The following EXTL3 variants were observed in gnomAD, a reference collection of about 807,000 sequenced individuals.
The protein encoded by EXTL3 is exostosin like glycosyltransferase 3.
Under a neutral mutation model 69.3 loss-of-function variants are expected in EXTL3, and 27 were observed. The observed-to-expected ratio is 0.39, with a 90% confidence interval of 0.29 to 0.54. The LOEUF (loss-of-function observed/expected upper bound fraction) is 0.54, where lower values mean the gene tolerates loss of function less well. Among genes scored for constraint, EXTL3 ranks in the 20% least tolerant of loss-of-function variants. The pLI is 0.69. For missense variants in EXTL3, 1,003 were observed against 1,231.8 expected, an observed-to-expected ratio of 0.81 and a Z score of 2.78; for synonymous variants, 511 against 499.4, an observed-to-expected ratio of 1.02 and a Z score of -0.31.
intron 3 of EXTL3, among the ~76,000 whole-genome samples, chr8:28,729,292 C>CAGAAA (rs1801481374): frequency 1.4e-5 from 1 of 74,066 alleles, no homozygotes. Flanking sequence ...GACTCTATCT[C>CAGAAA]AAAAAAAAAA....
intron 2 of EXTL3, among the ~76,000 whole-genome samples, chr8:28,713,857 T>C (rs1801081216): frequency 6.6e-6 from 1 of 151,506 alleles, no homozygotes; most frequent in African/African-American, 2.4e-5. Flanking sequence ...TTCCCTCCTC[T>C]CATTCTTTGC....
intron 1 of EXTL3, among the ~76,000 whole-genome samples, chr8:28,693,112 G>C (rs183631606): frequency 1.9e-4 from 29 of 151,488 alleles, no homozygotes; most frequent in African/African-American, 7.0e-4. Flanking sequence ...AGTCTTAATT[G>C]GTCATTACAG....
Position 28,751,139 on chromosome 8 carries a change from C to A in EXTL3, c.*273C>A. 1 of 500,498 alleles carries A rather than the reference C, an allele frequency of 2.0e-6. No homozygotes were observed. The highest frequency in any genetic ancestry group is 3.6e-6 in the Non-Finnish European group (1 of 275,378). 31.0% of individuals were successfully genotyped at this position (500,498 alleles called of 1,614,324 possible). On this transcript the variant is annotated 3_prime_UTR_variant, in exon 7 of 7. Coordinates refer to ENST00000220562, the MANE Select transcript of EXTL3 (RefSeq NM_001440.4). ...ACTGTGGCGACTCTGCAGAGTCACTCACACCGTTCGTACGCCCAGGACAGC... is the reference window on the plus strand; with the variant it reads ...ACTGTGGCGACTCTGCAGAGTCACTAACACCGTTCGTACGCCCAGGACAGC...
At chr8:28,617,954 CAGAA>C (rs1435598353), upstream of EXTL3, among the ~76,000 whole-genome samples, 1 of 152,098 alleles carries the variant, frequency 6.6e-6, no homozygotes, top group African/African-American at 2.4e-5. Flanking sequence ...TTCATAGAGA[CAGAA>C]AGCAGATTTG....
chr8:28,721,648 G>C lies in EXTL3; in HGVS notation c.2148+3441G>C, dbSNP rs187567867. 3.2e-3 allele frequency among the ~76,000 whole-genome samples: 481 copies of C among 152,308 alleles called. 10 individuals carry two copies. The highest frequency in any genetic ancestry group is 1.0e-3 in the Non-Finnish European group (70 of 68,022). ...TGCAGAGGTTATAGTTGTCATCTGA[G>C]GGAGGACTGGGTCTGGCAGGGGCTT... On this transcript the variant is annotated intron_variant, in intron 3 of 6. Coordinates refer to ENST00000220562, the MANE Select transcript of EXTL3 (RefSeq NM_001440.4).
intron 1 of EXTL3, among the ~76,000 whole-genome samples, chr8:28,667,714 G>A (rs1006091045): frequency 2.1e-5 from 3 of 141,488 alleles, no homozygotes; most frequent in Non-Finnish European, 4.6e-5. Flanking sequence ...TCTTCCCTTG[G>A]TGTGGGGGGA....
chr8:28,724,295 G>GT (rs1457569633), intron 3 of EXTL3, among the ~76,000 whole-genome samples: 1 of 152,092 alleles, frequency 6.6e-6, no homozygotes, highest in Non-Finnish European at 1.5e-5. Flanking sequence ...TCTCTTATAA[G>GT]TTAAAACAGA....
intron 1 of EXTL3, among the ~76,000 whole-genome samples, chr8:28,636,419 C>A (rs578031275): frequency 1.3e-5 from 2 of 151,874 alleles, no homozygotes; most frequent in South Asian, 4.1e-4. Flanking sequence ...TCACCCTCAA[C>A]GGAATCTTGT....
At chr8:28,648,536 C>T (rs1310768507) in intron 1 of EXTL3, among the ~76,000 whole-genome samples, 1 of 152,152 alleles carries the variant, frequency 6.6e-6, no homozygotes, top group African/African-American at 2.4e-5. Context: ...TCATAACATT[C>T]TGCCTTTTGG....
At position 28,751,486 on chromosome 8, in the gene EXTL3, G is replaced by A. The variant is rs1025262971; in HGVS notation, c.*620G>A. Reference sequence around the variant, plus strand: ...AAAGGGATGAACTTGGCCCTCTTGCGGGCCTGGACAAGGTCTCTTCCTTAC... The same window carrying A: ...AAAGGGATGAACTTGGCCCTCTTGCAGGCCTGGACAAGGTCTCTTCCTTAC... On this transcript the variant is annotated 3_prime_UTR_variant, in exon 7 of 7. Coordinates refer to ENST00000220562, the MANE Select transcript of EXTL3 (RefSeq NM_001440.4). The A allele has an allele frequency of 5.9e-5, 9 of 153,152 alleles. No homozygotes were observed. The highest frequency in any genetic ancestry group is 1.9e-4 in the African/African-American group (8 of 41,390). 9.5% of individuals were successfully genotyped at this position (153,152 alleles called of 1,614,324 possible). A position where few individuals can be genotyped will look rare whatever the true frequency, so the allele number is the denominator to read the frequency against.
intron 1 of EXTL3, among the ~76,000 whole-genome samples, chr8:28,672,158 G>C (rs1001827370): frequency 1.3e-5 from 2 of 152,108 alleles, no homozygotes; most frequent in African/African-American, 4.8e-5. Flanking sequence ...GTGCACGCCT[G>C]TAATCCCAGC....
At chr8:28,655,470 C>A (rs1443943862) in intron 1 of EXTL3, among the ~76,000 whole-genome samples, 1 of 150,598 alleles carries the variant, frequency 6.6e-6, no homozygotes, top group African/African-American at 2.4e-5. Flanking sequence ...TTTAATATAC[C>A]TTGAGAATAA....
chr8:28,674,658 A>G (rs1325358586), intron 1 of EXTL3, among the ~76,000 whole-genome samples: 1 of 152,244 alleles, frequency 6.6e-6, no homozygotes, highest in African/African-American at 2.4e-5. Context: ...TGTGCAGTTA[A>G]AGTGAGAGCA....
At chr8:28,695,617 T>C (rs1800673819) in intron 1 of EXTL3, among the ~76,000 whole-genome samples, 2 of 152,232 alleles carry the variant, frequency 1.3e-5, no homozygotes, top group Admixed American at 1.3e-4. Context: ...CCAGAAATTC[T>C]TTCTTGCAAA....
intron 1 of EXTL3, among the ~76,000 whole-genome samples, chr8:28,674,819 A>C (rs1184353243): frequency 6.6e-6 from 1 of 152,202 alleles, no homozygotes; most frequent in African/African-American, 2.4e-5. Context: ...CCCCAGCAAC[A>C]GTGGCATTCC....
At position 28,623,156 on chromosome 8, in the gene EXTL3, G is replaced by A. The variant is rs1355831881; in HGVS notation, c.-53+346G>A. On this transcript the variant is annotated intron_variant, in intron 1 of 6. Coordinates refer to the EXTL3 transcript ENST00000523149. The surrounding 1 kb of genome is among the most constrained non-coding windows in gnomAD (Gnocchi z 4.2). ...TGGGAGAGTGTGGCTGTCGGCAGGG[G>A]TCCGTATCACACTGTGGGCGGGGGT... Among the ~76,000 whole-genome samples the A allele has an allele frequency of 6.6e-6, 1 of 152,074 alleles. No homozygotes were observed. The highest frequency in any genetic ancestry group is 1.5e-5 in the Non-Finnish European group (1 of 67,986).
chr8:28,688,317 G>A (rs1487715041), intron 1 of EXTL3, among the ~76,000 whole-genome samples: 4 of 152,086 alleles, frequency 2.6e-5, no homozygotes, highest in Non-Finnish European at 5.9e-5. Context: ...CGTCCACCTT[G>A]GCCTCCTAAA....
At chr8:28,697,424 T>C (rs1800701155), upstream of EXTL3, 1 of 152,256 alleles carries the variant, frequency 6.6e-6, no homozygotes, top group Non-Finnish European at 1.5e-5. Context: ...TGGATGCTGC[T>C]GATGCTCGGT....
downstream of EXTL3, among the ~76,000 whole-genome samples, chr8:28,756,095 T>A (rs924828665): frequency 1.1e-4 from 17 of 152,214 alleles, no homozygotes; most frequent in African/African-American, 3.9e-4. Context: ...AATGTAAACT[T>A]TATTTTAAAC....
Sources: gnomAD v4.1 joint callset for allele counts (sites outside exome capture counted in the v4.1 genomes callset) on GRCh38, gnomAD v4.1.1 for gene constraint, Gnocchi (gnomAD v3.1) non-coding constraint, MANE v1.5 for transcripts, NCBI Gene and HGNC (gene_info 2026-07-23, HGNC 2026-07-21) for gene names.